FRS3: variants seen among roughly 807,000 people sequenced by gnomAD.
The protein encoded by FRS3 is fibroblast growth factor receptor substrate 3.
FRS3 carries 17 observed loss-of-function variants against 41.9 expected under a neutral mutation model. The observed-to-expected ratio is 0.41, with a 90% CI of 0.28 to 0.61. The LOEUF is 0.61. Among genes scored for constraint, FRS3 ranks in the 20% least tolerant of loss-of-function variants. The probability of loss-of-function intolerance (pLI) is 0.36; values close to 1 mark genes in which losing one functional copy is unlikely to be tolerated. For missense variants in FRS3, 619 were observed against 672.1 expected (o/e 0.92, Z 0.87); for synonymous variants, 287 against 274.5 (o/e 1.05, Z -0.45).
chr6:41,778,993 G>C (rs1304634547), intron 1 of FRS3, among the ~76,000 whole-genome samples: 1 of 152,120 alleles, frequency 6.6e-6, no homozygotes, highest in Non-Finnish European at 1.5e-5. Context: ...ACAACTTCCA[G>C]GTAAAAGGAC....
At chr6:41,775,236 T>A (rs958850587) in intron 4 of FRS3, among the ~76,000 whole-genome samples, 183 bp downstream of exon 4, 1 of 152,230 alleles carries the variant, frequency 6.6e-6, no homozygotes, top group Non-Finnish European at 1.5e-5. Flanking sequence ...TGGCTGGCTC[T>A]AGCCTTGACC....
chr6:41,772,969 G>T lies in FRS3; in HGVS notation c.254-10C>A. ...TTAAATGCAAATATTCCTGGAGAAG[G>T]AGAGGAAGAAATGACCCTAGGCAAT... is the stretch of plus-strand genomic sequence containing the variant. On this transcript the variant is annotated splice_polypyrimidine_tract_variant and intron_variant, in intron 4 of 6. Transcript: ENST00000373018. The T allele has an allele frequency of 6.2e-7, 1 of 1,613,530 alleles. No homozygotes were observed. Among genetic ancestry groups the T allele is most frequent in the Non-Finnish European group, 8.5e-7 (1 of 1,179,560 alleles).
intron 1 of FRS3, among the ~76,000 whole-genome samples, chr6:41,779,330 G>GTT (rs956733855): frequency 1.5e-4 from 23 of 152,078 alleles, no homozygotes; most frequent in African/African-American, 5.3e-4. Flanking sequence ...GGCTGAAAAC[G>GTT]TATGAGGACG....
At position 41,770,977 on chromosome 6, in the gene FRS3, G is replaced by A. The variant is rs1188934330; in HGVS notation, c.1121C>T (p.Thr374Ile). The A allele has an allele frequency of 6.2e-7, 1 of 1,613,062 alleles. No homozygotes were observed. Residue 374 changes from threonine to isoleucine, a missense_variant, in exon 7 of 7, where the codon ACC (threonine) becomes ATC (isoleucine). By Grantham distance (89) the Thr-to-Ile change is moderately conservative. Transcript: ENST00000373018. ...GCTGCGGATGGCGGCCCGGGTGCTG[G>A]TGGGCTTCTGCAGTGGGGTCTCGTC... ...EEDETPLQKP[T>I]STRAAIRSHG...
Position 41,770,972 on chromosome 6 carries a change from T to A in FRS3, c.1126A>T (p.Thr376Ser). The A allele has an allele frequency of 6.2e-7, 1 of 1,612,536 alleles. No homozygotes were observed. The highest frequency in any genetic ancestry group is 8.5e-7 in the Non-Finnish European group (1 of 1,179,856). Residue 376 changes from threonine to serine, a missense_variant, in exon 7 of 7, where the codon ACC becomes TCC. This residue lies in a region of FRS3 where 487 missense variants were observed against 478.3 expected (regional missense o/e 1.02). Transcript: ENST00000373018. The part of the protein sequence containing the change: ...DETPLQKPTS[T>S]RAAIRSHGSF... ...CCGTGGCTGCGGATGGCGGCCCGGGTGCTGGTGGGCTTCTGCAGTGGGGTC... is the reference window on the plus strand; with the variant it reads ...CCGTGGCTGCGGATGGCGGCCCGGGAGCTGGTGGGCTTCTGCAGTGGGGTC...
chr6:41,771,951 A>G lies in FRS3; in HGVS notation c.429T>C (p.Thr143=). The G allele has an allele frequency of 6.4e-7, 1 of 1,561,946 alleles. No individual in the cohort carries two copies. The highest frequency in any genetic ancestry group is 8.7e-7 in the Non-Finnish European group (1 of 1,152,780). ...APQPPNALGY[T]VSSFSNGCPG... is the part of the protein sequence containing the mutation. ...GGCAGCCATTGGAAAAGCTGGAGAC[A>G]GTGTAGCCTAGAGCTGAGCACACGG... Residue 143 remains threonine (T), a synonymous_variant, in exon 6 of 7, where the codon ACT becomes ACC. Transcript: ENST00000373018.
intron 6 of FRS3, 113 bp downstream of exon 6, chr6:41,771,703 G>A (rs1028352418): frequency 6.8e-5 from 87 of 1,277,714 alleles, no homozygotes; most frequent in African/African-American, 6.2e-4. Context: ...GGAAGGGACC[G>A]TTACAATGTT....
chr6:41,772,475 G>C lies in FRS3; in HGVS notation c.415+323C>G, dbSNP rs113518674. Among the ~76,000 whole-genome samples, 842 of 152,276 alleles carry C rather than the reference G, an allele frequency of 5.5e-3. 13 individuals are homozygous for C. The highest frequency in any genetic ancestry group is 0.02 in the African/African-American group (810 of 41,536). Reference sequence around the variant, plus strand: ...TGCACCAGCAGCAAGGAAGGTATATGGGGATGACCCAATAGACAGAGGAAG... The same window carrying C: ...TGCACCAGCAGCAAGGAAGGTATATCGGGATGACCCAATAGACAGAGGAAG... On this transcript the variant is annotated intron_variant, in intron 5 of 6. Transcript: ENST00000373018.
chr6:41,771,136 T>C lies in FRS3; in HGVS notation c.962A>G (p.His321Arg), dbSNP rs1772279478. 15 of 1,567,254 alleles carry C rather than the reference T, an allele frequency of 9.6e-6. No individual in the cohort carries two copies. The highest frequency in any genetic ancestry group is 1.8e-5 in the Admixed American group (1 of 56,266). ...GLAHRRAALLHYENLPPLPPV... is the reference protein window; with the variant it reads ...GLAHRRAALLRYENLPPLPPV... ...GGGCAGTGGGGGCAGGTTCTCATAG[T>C]GCAGCAGGGCGGCCCGGCGGTGGGC... Residue 321 changes from histidine (H) to arginine (R), a missense_variant, in exon 7 of 7, where the codon CAC becomes CGC. Transcript: ENST00000373018.
intron 4 of FRS3, among the ~76,000 whole-genome samples, chr6:41,773,373 G>C (rs550585607): frequency 1.3e-5 from 2 of 151,882 alleles, no homozygotes; most frequent in Non-Finnish European, 2.9e-5. Context: ...CAAAGTGCTG[G>C]GATTACAGGC....
chr6:41,774,990 T>C (rs1301813245), intron 4 of FRS3, among the ~76,000 whole-genome samples: 1 of 152,132 alleles, frequency 6.6e-6, no homozygotes, highest in Non-Finnish European at 1.5e-5. Flanking sequence ...CGCCCCTGCC[T>C]CTGCCTCATG....
chr6:41,771,212 G>A lies in FRS3; in HGVS notation c.886C>T (p.Arg296Ter), dbSNP rs1365305498. ...GGGCTCAGTCTCCAGCCAGCCCCTC[G>A]CCACAGCCCCCCGGTGACGTTCTCG... is the stretch of plus-strand genomic sequence containing the variant. ...TYENVTGGLWRGAGWRLSPEE... is the reference protein window; with the variant it reads ...TYENVTGGLW Residue 296 changes from arginine to a stop codon, truncating the protein, a stop_gained, in exon 7 of 7, where the codon CGA becomes TGA. Transcript: ENST00000373018. LOFTEE classifies it high-confidence loss of function. 1.3e-6 allele frequency: 2 copies of A among 1,565,576 alleles called. No homozygotes were observed. The highest frequency in any genetic ancestry group is 1.7e-6 in the Non-Finnish European group (2 of 1,152,482).
intron 1 of FRS3, among the ~76,000 whole-genome samples, chr6:41,779,479 A>AT (rs1772483218): frequency 6.6e-6 from 1 of 152,000 alleles, no homozygotes; most frequent in Non-Finnish European, 1.5e-5. Flanking sequence ...GTCCGTGGGC[A>AT]TAGCAGGAGA....
chr6:41,771,579 G>GA, intron 6 of FRS3, 46 bp from the exon 7 acceptor site: 1 of 1,435,028 alleles, frequency 7.0e-7, no homozygotes. Context: ...AGGGCAGGGA[G>GA]AAAAGAGAAC....
At position 41,771,060 on chromosome 6, in the gene FRS3, A is replaced by C. The variant is rs749416326; in HGVS notation, c.1038T>G (p.Asp346Glu). The change falls in exon 7 of 7, where the codon GAT becomes GAG. Residue 346 changes from aspartate (D) to glutamate (E), a missense_variant. By Grantham distance (45) the Asp-to-Glu change is conservative. Around this residue, in one of 3 missense-constraint regions of FRS3, gnomAD observed 487 missense variants for 478.3 expected, o/e 1.02. Coordinates refer to ENST00000373018, the MANE Select transcript of FRS3 (RefSeq NM_006653.5). ...GTGTGAGCCCATCCCTCGAGTCCCC[A>C]TCATCCCCAGCCTCCCCTCCCAGCT... ...AQQLGGEAGD[D>E]GDSRDGLTPS... The C allele has an allele frequency of 2.5e-6, 4 of 1,606,210 alleles. No homozygotes were observed. In the South Asian group the frequency reaches 4.4e-5, roughly 18 times the overall value.
chr6:41,775,365 C>T, intron 4 of FRS3, 54 bp downstream of exon 4: 2 of 1,437,544 alleles, frequency 1.4e-6, no homozygotes, highest in East Asian at 2.3e-5. Context: ...CATTAGGAAC[C>T]CTGGAGTACT....
At chr6:41,777,144 C>T (rs1379783503) in intron 2 of FRS3, 134 bp from the exon 3 acceptor site, 2 of 637,702 alleles carry the variant, frequency 3.1e-6, no homozygotes, top group Non-Finnish European at 5.7e-6. Context: ...GACCCCCCCT[C>T]AAAGACTTCA....
chr6:41,773,034 A>G (rs747307084), intron 4 of FRS3, 75 bp from the exon 5 acceptor site: 51 of 1,263,524 alleles, frequency 4.0e-5, no homozygotes, highest in Non-Finnish European at 5.5e-5. Flanking sequence ...CACAATGTGC[A>G]GGAAATGTCC....
At chr6:41,771,666 T>A in intron 6 of FRS3, 133 bp from the exon 7 acceptor site, 1 of 1,142,538 alleles carries the variant, frequency 8.8e-7, no homozygotes, top group Admixed American at 2.5e-5. Flanking sequence ...CCAACCCTTC[T>A]GAGGAAGCTG....
Sources: gnomAD v4.1 joint callset for allele counts (sites outside exome capture counted in the v4.1 genomes callset) on GRCh38, gnomAD v4.1.1 for gene constraint, gnomAD v4.1.1 regional missense constraint, MANE v1.5 for transcripts, NCBI Gene and HGNC (gene_info 2026-07-23, HGNC 2026-07-21) for gene names.